Variants in ANAPC1 observed in about 807,000 individuals in gnomAD.
ANAPC1 encodes the protein anaphase promoting complex subunit 1.
Under a neutral mutation model 208.0 loss-of-function variants are expected in ANAPC1, and 36 were observed. The observed-to-expected ratio is 0.17, with a 90% CI of 0.13 to 0.23. ANAPC1 has a LOEUF of 0.23. Ranked by LOEUF, ANAPC1 falls within the 10% of genes least tolerant of loss-of-function variation. The pLI is 1.00. For synonymous variants in ANAPC1, 378 were observed against 695.2 expected, an observed-to-expected ratio of 0.54 and a Z score of 7.18; for missense variants, 942 against 2,011.6, an observed-to-expected ratio of 0.47 and a Z score of 10.17.
chr2:111,830,214 A>G (rs1249901224), intron 21 of ANAPC1, among the ~76,000 whole-genome samples: 1 of 152,276 alleles, frequency 6.6e-6, no homozygotes, highest in East Asian at 1.9e-4. Flanking sequence ...ACCAGAATAG[A>G]AAGTCCAGAA....
chr2:111,872,365 C>T (rs1163876511), intron 6 of ANAPC1, among the ~76,000 whole-genome samples: 1 of 152,086 alleles, frequency 6.6e-6, no homozygotes, highest in Non-Finnish European at 1.5e-5. Context: ...TGACAGCAAC[C>T]CTAATTTGAG....
At position 111,794,266 on chromosome 2, in the gene ANAPC1, A is replaced by G; in HGVS notation, c.4431T>C (p.Ala1477=). The G allele has an allele frequency of 1.9e-6, 3 of 1,613,334 alleles. No homozygotes were observed. The highest frequency in any genetic ancestry group is 2.5e-6 in the Non-Finnish European group (3 of 1,179,640). The change falls in exon 36 of 48, where the codon GCT becomes GCC. Residue 1477 remains alanine, a synonymous_variant. Coordinates refer to ENST00000341068, the MANE Select transcript of ANAPC1 (RefSeq NM_022662.4). ...TAAATGCTGATAAGTTTTCTGAGCC[A>G]GCAAATCGAAAACCCAGAGACAAGC... ...GACLSLGFRF[A]GSENLSAFNC...
intron 6 of ANAPC1, among the ~76,000 whole-genome samples, chr2:111,869,215 G>T (rs1224642628): frequency 1.3e-5 from 2 of 152,040 alleles, no homozygotes. Context: ...GCAGCACAAT[G>T]AGAAAATGGC....
At chr2:111,839,262 TATGTA>T (rs1217458625) in intron 17 of ANAPC1, among the ~76,000 whole-genome samples, 1 of 152,238 alleles carries the variant, frequency 6.6e-6, no homozygotes, top group Non-Finnish European at 1.5e-5. Context: ...TAAGCCCTGT[TATGTA>T]AGCAAGACAG....
At chr2:111,774,220 G>A (rs1223155346) in intron 46 of ANAPC1, among the ~76,000 whole-genome samples, 1 of 149,134 alleles carries the variant, frequency 6.7e-6, no homozygotes, top group Non-Finnish European at 1.5e-5. Flanking sequence ...GTGAAATGGT[G>A]ACAAATACTG....
rs1680380802 is a variant in ANAPC1, at chr2:111,834,862, T to C, written c.2126A>G (p.Tyr709Cys). Residue 709 changes from tyrosine to cysteine, a missense_variant, in exon 19 of 48, where the codon TAT (tyrosine) becomes TGT (cysteine). Coordinates refer to ENST00000341068, the MANE Select transcript of ANAPC1 (RefSeq NM_022662.4). Reference sequence around the variant, plus strand: ...CTGGTGGTAGTCTGAATTTAGTAAATATTCCCAGTCCTGAGAAGAATAAAA... The same window carrying C: ...CTGGTGGTAGTCTGAATTTAGTAAACATTCCCAGTCCTGAGAAGAATAAAA... ...SETGSDDDWE[Y>C]LLNSDYHQNV... The C allele has an allele frequency of 6.3e-7, 1 of 1,595,960 alleles. No individual in the cohort carries two copies. The highest frequency in any genetic ancestry group is 8.5e-7 in the Non-Finnish European group (1 of 1,173,116).
chr2:111,862,974 T>C (rs1021376303), intron 9 of ANAPC1, among the ~76,000 whole-genome samples: 2 of 151,794 alleles, frequency 1.3e-5, no homozygotes, highest in African/African-American at 4.8e-5. Flanking sequence ...GTCATTTAAA[T>C]ATATATCTAT....
rs1476994211 is a variant in ANAPC1 at position 111,858,370 on chromosome 2, T to C, written c.1294A>G (p.Ile432Val). ...EKNSQASKVFITSDLCGQKFL... is the reference protein window; with the variant it reads ...EKNSQASKVFVTSDLCGQKFL... ...TTTTGCCCACATAGGTCAGATGTAA[T>C]AAACACTTTTGAGGCTTGTGAATTT... Residue 432 changes from isoleucine to valine, a missense_variant, in exon 11 of 48, where the codon ATT becomes GTT. By Grantham distance (29) the Ile-to-Val change is conservative. Coordinates refer to ENST00000341068, the MANE Select transcript of ANAPC1 (RefSeq NM_022662.4). 1 of 1,613,650 alleles carries C rather than the reference T, an allele frequency of 6.2e-7. No individual in the cohort carries two copies. The highest frequency in any genetic ancestry group is 8.5e-7 in the Non-Finnish European group (1 of 1,179,708).
At chr2:111,847,324 C>G in intron 15 of ANAPC1, 126 bp from the exon 16 acceptor site, 1 of 635,624 alleles carries the variant, frequency 1.6e-6, no homozygotes, top group Non-Finnish European at 2.6e-6. Flanking sequence ...AATTTTCAAA[C>G]AGAAATGAAC....
intron 13 of ANAPC1, among the ~76,000 whole-genome samples, chr2:111,853,723 CTTT>C (rs1170135178): frequency 6.8e-6 from 1 of 146,112 alleles, no homozygotes; most frequent in Non-Finnish European, 1.5e-5. Flanking sequence ...CAGAAGGTTT[CTTT>C]TTTTTTTTGA....
At chr2:111,776,823 A>T in intron 46 of ANAPC1, 36 bp downstream of exon 46, 1 of 321,974 alleles carries the variant, frequency 3.1e-6, no homozygotes, top group Non-Finnish European at 5.4e-6. Context: ...TGTATCTCAA[A>T]AGCACAAGAG....
chr2:111,865,976 C>A, intron 7 of ANAPC1: 1 of 187,290 alleles, frequency 5.3e-6, no homozygotes, highest in South Asian at 9.3e-5. Flanking sequence ...GAGGCTGAGT[C>A]AGGCGGCTCA....
intron 2 of ANAPC1, among the ~76,000 whole-genome samples, chr2:111,879,993 C>A (rs1342839160): frequency 6.6e-6 from 1 of 152,162 alleles, no homozygotes; most frequent in East Asian, 1.9e-4. Flanking sequence ...CATTAGATAA[C>A]ATGAAATCTG....
rs184099618 is a variant in ANAPC1, at chr2:111,797,907, C to T, written c.4296+2890G>A. On this transcript the variant is annotated intron_variant, in intron 34 of 47. Transcript: ENST00000341068. ...CAGATTCTAGAGGGGAGAGTCGATCCATGGAAGAGAGGAACACCACTAGAT... is the reference window on the plus strand; with the variant it reads ...CAGATTCTAGAGGGGAGAGTCGATCTATGGAAGAGAGGAACACCACTAGAT... Among the ~76,000 whole-genome samples, 21 of 117,636 alleles carry T rather than the reference C, an allele frequency of 1.8e-4. 1 individual carries two copies. The East Asian group carries it at 3.3e-3, about 19-fold the overall frequency. 77.2% of individuals were successfully genotyped at this position (117,636 alleles called of 152,430 possible). A position where few individuals can be genotyped will look rare whatever the true frequency, so the allele number is the denominator to read the frequency against.
chr2:111,856,664 G>A lies in ANAPC1; in HGVS notation c.1465C>T (p.Leu489=). Residue 489 remains leucine (L), a synonymous_variant, in exon 13 of 48, where the codon CTG becomes TTG. Transcript: ENST00000341068. ...AGGTTTCCACTGCCTTCCAAGACCA[G>A]CATGGTGTCTATTTTCTAAAAAAAC... ...AAPVEKIDTM[L]VLEGSGNLVL... 1.2e-6 allele frequency: 2 copies of A among 1,613,824 alleles called. No homozygotes were observed. The highest frequency in any genetic ancestry group is 1.7e-6 in the Non-Finnish European group (2 of 1,179,830).
intron 18 of ANAPC1, among the ~76,000 whole-genome samples, chr2:111,837,024 A>G (rs1296345091): frequency 6.6e-6 from 1 of 151,954 alleles, no homozygotes; most frequent in African/African-American, 2.4e-5. Flanking sequence ...TTTTGGCACT[A>G]GCTTGCTTTA....
chr2:111,881,627 G>C (rs1325067666), intron 1 of ANAPC1, among the ~76,000 whole-genome samples: 4 of 152,184 alleles, frequency 2.6e-5, no homozygotes, highest in Admixed American at 2.0e-4. Context: ...CACAAGGTTA[G>C]GTAGCAGCCA....
intron 19 of ANAPC1, among the ~76,000 whole-genome samples, chr2:111,834,115 A>G (rs1392706516): frequency 6.6e-6 from 1 of 152,238 alleles, no homozygotes; most frequent in Non-Finnish European, 1.5e-5. Context: ...CAACAAGGAC[A>G]GCATAGCAAA....
intron 13 of ANAPC1, among the ~76,000 whole-genome samples, chr2:111,855,538 C>T (rs975651513): frequency 3.3e-5 from 5 of 152,104 alleles, no homozygotes; most frequent in African/African-American, 1.2e-4. Context: ...AATGAGTAAA[C>T]AACACACGCA....
Sources: gnomAD v4.1 joint callset for allele counts (sites outside exome capture counted in the v4.1 genomes callset) on GRCh38, gnomAD v4.1.1 for gene constraint, MANE v1.5 for transcripts, NCBI Gene and HGNC (gene_info 2026-07-23, HGNC 2026-07-21) for gene names.